Variants in SNTG1 observed in about 807,000 individuals in gnomAD.
SNTG1 encodes syntrophin gamma 1.
SNTG1 carries 39 observed loss-of-function variants against 74.7 expected under a neutral mutation model. The ratio of observed to expected loss-of-function variants is 0.52; its 90% CI spans 0.40 to 0.68. The LOEUF is 0.68. Among genes scored for constraint, SNTG1 ranks in the 30% least tolerant of loss-of-function variants. The pLI is 0.00. For synonymous variants in SNTG1, 254 were observed against 217.1 expected, an observed-to-expected ratio of 1.17 and a Z score of -1.49; for missense variants, 685 against 609.5, an observed-to-expected ratio of 1.12 and a Z score of -1.30.
Position 49,939,381 on chromosome 8 carries a change from G to A in SNTG1, c.-103+27150G>A, listed in dbSNP as rs557036584. Among the ~76,000 whole-genome samples the A allele has an allele frequency of 1.2e-3, 190 of 152,218 alleles. 2 individuals carry two copies. The highest frequency in any genetic ancestry group is 2.0e-3 in the Non-Finnish European group (139 of 68,016). ...TCAGTTGCCAATAAATAGTTTAATT[G>A]AATAAGACCCTTGTCATTGACCACT... On this transcript the variant is annotated intron_variant, in intron 1 of 18. Coordinates refer to ENST00000642720, the MANE Select transcript of SNTG1 (RefSeq NM_018967.5).
intron 11 of SNTG1, among the ~76,000 whole-genome samples, chr8:50,549,723 T>C (rs1187466715): frequency 6.6e-6 from 1 of 152,116 alleles, no homozygotes; most frequent in African/African-American, 2.4e-5. Context: ...CACATTTCTT[T>C]GGATATACTA....
intron 2 of SNTG1, among the ~76,000 whole-genome samples, chr8:50,283,563 G>A (rs77299189): frequency 0.07 from 10,580 of 152,092 alleles, 409 homozygotes; most frequent in African/African-American, 0.085. Context: ...TTTTATATCC[G>A]TCAATTCCAG....
chr8:50,088,542 G>A (rs914352065), intron 1 of SNTG1, among the ~76,000 whole-genome samples: 5 of 134,128 alleles, frequency 3.7e-5, no homozygotes, highest in African/African-American at 1.3e-4. Context: ...AAGCTGATAA[G>A]CAACTTCAGC....
At chr8:50,733,390 A>G (rs1248986383) in intron 17 of SNTG1, among the ~76,000 whole-genome samples, 1 of 152,052 alleles carries the variant, frequency 6.6e-6, no homozygotes, top group African/African-American at 2.4e-5. Context: ...AGCAATGAAC[A>G]CATGAATGAA....
chr8:50,701,124 A>G (rs555941220), intron 15 of SNTG1, among the ~76,000 whole-genome samples: 3 of 152,368 alleles, frequency 2.0e-5, no homozygotes, highest in South Asian at 4.1e-4. Context: ...ATGACATTAG[A>G]TAATATTTTT....
At chr8:50,180,230 T>C (rs1239834006) in intron 2 of SNTG1, among the ~76,000 whole-genome samples, 1 of 152,136 alleles carries the variant, frequency 6.6e-6, no homozygotes, top group African/African-American at 2.4e-5. Context: ...TTAAGTCAAA[T>C]ACACACAAAC....
intron 18 of SNTG1, among the ~76,000 whole-genome samples, chr8:50,778,655 C>T (rs1340713582): frequency 1.6e-5 from 2 of 127,806 alleles, no homozygotes; most frequent in East Asian, 2.3e-4. Flanking sequence ...TTGTAGGTTG[C>T]CTGTTCACTC....
chr8:50,754,672 T>G (rs1395087274), intron 18 of SNTG1, among the ~76,000 whole-genome samples: 1 of 151,952 alleles, frequency 6.6e-6, no homozygotes, highest in East Asian at 1.9e-4. Context: ...CAATGAATTC[T>G]GCCCTTTTAA....
chr8:50,666,978 C>T (rs1048567718), intron 15 of SNTG1, among the ~76,000 whole-genome samples: 9 of 151,724 alleles, frequency 5.9e-5, no homozygotes, highest in South Asian at 2.1e-4. Context: ...TTTCTTTTAT[C>T]GCAACTGCTT....
chr8:49,942,651 G>A (rs1808802168), intron 1 of SNTG1, among the ~76,000 whole-genome samples: 5 of 152,106 alleles, frequency 3.3e-5, no homozygotes, highest in Admixed American at 2.6e-4. Context: ...GACCTTGAGA[G>A]TTTTGAGGCA....
chr8:50,436,447 G>A (rs574852921), intron 4 of SNTG1, among the ~76,000 whole-genome samples: 133 of 152,072 alleles, frequency 8.7e-4, no homozygotes, highest in Admixed American at 2.0e-3. Flanking sequence ...ATATCAGATT[G>A]TGTGTGTGTG....
At chr8:50,496,504 A>T (rs572846879) in intron 8 of SNTG1, among the ~76,000 whole-genome samples, 7 of 152,166 alleles carry the variant, frequency 4.6e-5, no homozygotes, top group Non-Finnish European at 2.9e-5. Context: ...ATTCCTCCTT[A>T]GAATCTCATA....
intron 15 of SNTG1, among the ~76,000 whole-genome samples, chr8:50,679,494 C>G (rs773613625): frequency 2.0e-5 from 3 of 152,128 alleles, no homozygotes; most frequent in Non-Finnish European, 4.4e-5. Context: ...AAACTAGTCA[C>G]TTTGTAAGCA....
intron 15 of SNTG1, among the ~76,000 whole-genome samples, chr8:50,668,123 T>C (rs758655093): frequency 3.3e-5 from 5 of 152,034 alleles, no homozygotes; most frequent in Admixed American, 3.3e-4. Context: ...TCCAGCTTCC[T>C]GTCTTAAAAA....
At chr8:50,225,795 C>T (rs774121067) in intron 2 of SNTG1, among the ~76,000 whole-genome samples, 1 of 152,126 alleles carries the variant, frequency 6.6e-6, no homozygotes, top group Non-Finnish European at 1.5e-5. Flanking sequence ...GAATGGAATA[C>T]GTTTTTAGAT....
intron 13 of SNTG1, among the ~76,000 whole-genome samples, chr8:50,650,630 A>C (rs1384963927): frequency 2.0e-5 from 3 of 152,142 alleles, no homozygotes; most frequent in Admixed American, 1.3e-4. Context: ...ATAGGATTCT[A>C]TATTTAAAAC....
intron 1 of SNTG1, among the ~76,000 whole-genome samples, chr8:49,930,976 C>A (rs1016393136): frequency 6.6e-6 from 1 of 152,072 alleles, no homozygotes; most frequent in African/African-American, 2.4e-5. Context: ...TAAGAATGAT[C>A]AAAAAGTAAG....
chr8:50,752,568 G>T (rs2131703979), intron 18 of SNTG1, among the ~76,000 whole-genome samples: 1 of 151,546 alleles, frequency 6.6e-6, no homozygotes, highest in East Asian at 1.9e-4. Flanking sequence ...AACAATATTT[G>T]CATTAGAATA....
rs571264470 is a variant in SNTG1 at position 49,982,544 on chromosome 8, T to C, written c.-103+70313T>C. Among the ~76,000 whole-genome samples the C allele has an allele frequency of 1.6e-3, 233 of 146,362 alleles. 3 individuals carry two copies. The highest frequency in any genetic ancestry group is 5.7e-3 in the African/African-American group (224 of 39,614). ...CATAATGTGTGTGAGTTTATAAATA[T>C]GAAATTCATCAGGTGCTGTGGCTCG... On this transcript the variant is annotated intron_variant, in intron 1 of 18. Coordinates refer to ENST00000642720, the MANE Select transcript of SNTG1 (RefSeq NM_018967.5).
Sources: gnomAD v4.1 joint callset for allele counts (sites outside exome capture counted in the v4.1 genomes callset) on GRCh38, gnomAD v4.1.1 for gene constraint, MANE v1.5 for transcripts, NCBI Gene and HGNC (gene_info 2026-07-23, HGNC 2026-07-21) for gene names.